The following SH3D19 variants were observed in gnomAD, a reference collection of about 807,000 sequenced individuals.
SH3D19 encodes SH3 domain-containing protein 19.
In SH3D19, 58 loss-of-function variants were observed where a neutral mutation model predicts 112.1. That is an observed-to-expected ratio of 0.52 (90% confidence interval 0.42 to 0.64). The LOEUF (loss-of-function observed/expected upper bound fraction) is 0.64, where lower values mean the gene tolerates loss of function less well. Ranked by LOEUF, SH3D19 falls within the 30% of genes least tolerant of loss-of-function variation. The probability of loss-of-function intolerance (pLI) is 0.00; values close to 1 mark genes in which losing one functional copy is unlikely to be tolerated. For missense variants in SH3D19, 1,090 were observed against 1,263.4 expected, an observed-to-expected ratio of 0.86 and a Z score of 2.08; for synonymous variants, 391 against 448.5, an observed-to-expected ratio of 0.87 and a Z score of 1.62.
chr4:151,315,217 A>G (rs1729875059), intron 1 of SH3D19, among the ~76,000 whole-genome samples: 1 of 152,222 alleles, frequency 6.6e-6, no homozygotes, highest in Non-Finnish European at 1.5e-5. Context: ...GAAGGAAACA[A>G]TCACACCTAC....
At chr4:151,133,736 G>A (rs1751236869) in intron 15 of SH3D19, among the ~76,000 whole-genome samples, 1 of 152,146 alleles carries the variant, frequency 6.6e-6, no homozygotes, top group South Asian at 2.1e-4. Flanking sequence ...TAAAAACTAG[G>A]AGGTTTAAAG....
At chr4:151,198,006 T>TA (rs994965525) in intron 2 of SH3D19, among the ~76,000 whole-genome samples, 44 of 152,032 alleles carry the variant, frequency 2.9e-4, no homozygotes, top group African/African-American at 9.2e-4. Context: ...CAGATAACTT[T>TA]AAAAAATGTA....
In SH3D19 at chr4:151,123,018, T is replaced by G. The variant is rs193083786; in HGVS notation, c.3028-811A>C. Among the ~76,000 whole-genome samples the G allele has an allele frequency of 5.0e-3, 761 of 152,046 alleles. 3 individuals carry two copies. Among genetic ancestry groups the G allele is most frequent in the South Asian group, 0.019 (92 of 4,814 alleles). ...AGGTGCCTGCCACCACGTCCAGCTA[T>G]TTTTTGTATTTTTAGTAGAGACAGG... is the stretch of plus-strand genomic sequence containing the variant. On this transcript the variant is annotated intron_variant, in intron 19 of 19. Transcript: ENST00000604030.
At chr4:151,292,282 G>C (rs1174257509) in intron 1 of SH3D19, among the ~76,000 whole-genome samples, 1 of 150,894 alleles carries the variant, frequency 6.6e-6, no homozygotes, top group Admixed American at 6.6e-5. Context: ...CTGGGCAACA[G>C]AGCAAGACCC....
intron 1 of SH3D19, among the ~76,000 whole-genome samples, chr4:151,297,513 C>A (rs1775789510): frequency 6.6e-6 from 1 of 152,138 alleles, no homozygotes; most frequent in African/African-American, 2.4e-5. Flanking sequence ...GAAGACAAAT[C>A]TAGAGACAGT....
chr4:151,132,251 C>T, intron 17 of SH3D19, 80 bp downstream of exon 17: 1 of 1,137,456 alleles, frequency 8.8e-7, no homozygotes, highest in Non-Finnish European at 1.3e-6. Context: ...ATACTATATT[C>T]TCTTGAAAAT....
chr4:151,160,333 C>T (rs1756936717), intron 8 of SH3D19, among the ~76,000 whole-genome samples: 1 of 152,136 alleles, frequency 6.6e-6, no homozygotes, highest in Non-Finnish European at 1.5e-5. Context: ...GTGATCCGCC[C>T]GCCTCAGCCT....
At position 151,325,441 on chromosome 4, in the gene SH3D19, G is replaced by A; in HGVS notation, c.-89C>T. On this transcript the variant is annotated 5_prime_UTR_variant, in exon 1 of 20. Coordinates refer to ENST00000604030, the MANE Select transcript of SH3D19 (RefSeq NM_001378122.1). ...CCTGCACCCGGCGCCCCACGCCACC[G>A]CCCTCGGGCCGGGGGGAAGGCGGCT... is the stretch of plus-strand genomic sequence containing the variant. 2 of 593,278 alleles carry A rather than the reference G, an allele frequency of 3.4e-6. No individual in the cohort carries two copies. The highest frequency in any genetic ancestry group is 4.7e-6 in the Non-Finnish European group (2 of 423,050). The allele number at this position is 593,278 out of a possible 1,614,324, so 36.8% of individuals were successfully genotyped here.
At chr4:151,155,588 TA>T (rs1297928948) in intron 9 of SH3D19, among the ~76,000 whole-genome samples, 2 of 147,424 alleles carry the variant, frequency 1.4e-5, no homozygotes, top group East Asian at 4.4e-4. Context: ...TATGGACATT[TA>T]AAAAAAACGA....
chr4:151,297,894 T>C (rs1775810453), intron 1 of SH3D19, among the ~76,000 whole-genome samples: 2 of 152,136 alleles, frequency 1.3e-5, no homozygotes, highest in Admixed American at 1.3e-4. Context: ...TGGCTTCTTA[T>C]AAGAGTAAGA....
At position 151,149,550 on chromosome 4, in the gene SH3D19, G is replaced by A; in HGVS notation, c.1767C>T (p.His589=). ...GCACAAAACCTCCTGTTTGACCTGG[G>A]TGGTTGGATTCCTGCAAGTAGCAGA... ...VERTRNLESN[H]PGQTGGFVRV... The change falls in exon 10 of 20, where the codon CAC becomes CAT. Residue 589 remains histidine, a synonymous_variant. Coordinates refer to ENST00000604030, the MANE Select transcript of SH3D19 (RefSeq NM_001378122.1). 1 of 1,611,446 alleles carries A rather than the reference G, an allele frequency of 6.2e-7. No homozygotes were observed. The highest frequency in any genetic ancestry group is 1.3e-5 in the African/African-American group (1 of 75,002).
At chr4:151,237,325 C>T (rs7695005) in intron 1 of SH3D19, among the ~76,000 whole-genome samples, 120,739 of 152,160 alleles carry the variant, frequency 0.79, 50,105 homozygotes, top group Non-Finnish European at 0.93. Flanking sequence ...TTCTTTAATT[C>T]TATCACTTAT....
chr4:151,261,217 C>G (rs1479400630), intron 1 of SH3D19: 2 of 152,178 alleles, frequency 1.3e-5, no homozygotes, highest in Non-Finnish European at 2.9e-5. Flanking sequence ...GCTATGATGA[C>G]CCAGGGCAGA....
At chr4:151,201,568 C>T (rs574764403) in intron 2 of SH3D19, among the ~76,000 whole-genome samples, 9 of 152,030 alleles carry the variant, frequency 5.9e-5, no homozygotes, top group Non-Finnish European at 1.2e-4. Flanking sequence ...TTTAAACAGG[C>T]GATTTTAATA....
At chr4:151,136,316 T>C (rs1269699422) in intron 14 of SH3D19, among the ~76,000 whole-genome samples, 1 of 152,032 alleles carries the variant, frequency 6.6e-6, no homozygotes, top group African/African-American at 2.4e-5. Flanking sequence ...CCAAGTTAAT[T>C]TTTCAATTTT....
chr4:151,287,652 T>C (rs975136366), intron 1 of SH3D19, among the ~76,000 whole-genome samples: 3 of 152,172 alleles, frequency 2.0e-5, no homozygotes, highest in African/African-American at 4.8e-5. Flanking sequence ...CCCAGCACTT[T>C]GAGAGGCCAA....
rs1363354261 is a variant in SH3D19, at chr4:151,128,215, C to A, written c.2884G>T (p.Asp962Tyr). ...DSDWCRGRLQDREGIFPAVFV... is the reference protein window; with the variant it reads ...DSDWCRGRLQYREGIFPAVFV... ...ACTGCTGGGAAGATCCCCTCCCTGT[C>A]CTGCAGTCTGCCCCTGCACCAGTCA... The change falls in exon 18 of 20, where the codon GAC becomes TAC. Residue 962 changes from aspartate to tyrosine, a missense_variant. Transcript: ENST00000604030. 5.6e-6 allele frequency: 9 copies of A among 1,613,512 alleles called. No individual in the cohort carries two copies. Among genetic ancestry groups the A allele is most frequent in the Non-Finnish European group, 7.6e-6 (9 of 1,179,740 alleles).
intron 2 of SH3D19, among the ~76,000 whole-genome samples, chr4:151,194,744 C>A (rs1183857221): frequency 1.5e-5 from 1 of 66,028 alleles, no homozygotes; most frequent in Non-Finnish European, 7.1e-5. Context: ...CTGATGATTT[C>A]TTCATTTTTC....
chr4:151,242,432 A>AG (rs755536512), intron 1 of SH3D19, among the ~76,000 whole-genome samples: 49 of 152,286 alleles, frequency 3.2e-4, no homozygotes, highest in Non-Finnish European at 6.0e-4. Context: ...TGAAGTTCTT[A>AG]GGGGATAAAT....
Sources: gnomAD v4.1 joint callset for allele counts (sites outside exome capture counted in the v4.1 genomes callset) on GRCh38, gnomAD v4.1.1 for gene constraint, MANE v1.5 for transcripts, NCBI Gene and HGNC (gene_info 2026-07-23, HGNC 2026-07-21) for gene names.